ZYG11B: variants seen among roughly 807,000 people sequenced by gnomAD.
ZYG11B encodes the protein zyg-11 family member B, cell cycle regulator, also known as protein zyg-11 homolog B.
A neutral mutation model predicts 82.4 loss-of-function variants in ZYG11B; 36 were observed. That is an observed-to-expected ratio of 0.44 (90% CI 0.33 to 0.58). ZYG11B has a LOEUF of 0.58. ZYG11B is among the 20% of genes least tolerant of loss of function. The pLI is 0.02. For missense variants in ZYG11B, 552 were observed against 895.6 expected (o/e 0.62, Z 4.90); for synonymous variants, 303 against 312.8 (o/e 0.97, Z 0.33).
intron 10 of ZYG11B, among the ~76,000 whole-genome samples, chr1:52,803,139 CATATATATATATAT>C (rs1321965313): frequency 0.011 from 500 of 43,980 alleles, 17 homozygotes; most frequent in East Asian, 0.071. Context: ...TATATACACA[CATATATATATATAT>C]ACACATATAT....
At chr1:52,751,608 G>T (rs988590270) in intron 1 of ZYG11B, among the ~76,000 whole-genome samples, 3 of 152,078 alleles carry the variant, frequency 2.0e-5, no homozygotes, top group African/African-American at 7.2e-5. Flanking sequence ...ACTCCAGCCT[G>T]AGTGACAGAG....
rs1200289599 is a variant in ZYG11B, at chr1:52,780,848, CAA to C, written c.1092+858_1092+859del. ...ATTGAATGCTTTGGGCAACATTTAT[CAA>C]AATGTGGTCCTTTGGGCCAGGACGC... On this transcript the variant is annotated intron_variant, in intron 4 of 13. Coordinates refer to ENST00000294353, the MANE Select transcript of ZYG11B (RefSeq NM_024646.3). Among the ~76,000 whole-genome samples, 8 of 152,254 alleles carry C rather than the reference CAA, an allele frequency of 5.3e-5. No homozygotes were observed. In the East Asian group the frequency reaches 1.5e-3, roughly 29 times the overall value.
intron 1 of ZYG11B, among the ~76,000 whole-genome samples, chr1:52,752,502 G>C (rs1252475449): frequency 6.6e-6 from 1 of 152,096 alleles, no homozygotes; most frequent in Non-Finnish European, 1.5e-5. Context: ...ACAACTTTGA[G>C]TCCCTCTCCC....
At chr1:52,789,916 T>C (rs1644942521) in intron 5 of ZYG11B, 87 bp from the exon 6 acceptor site, 1 of 236,762 alleles carries the variant, frequency 4.2e-6, no homozygotes, top group Non-Finnish European at 6.4e-6. Context: ...AGTCTTCTTC[T>C]TTTTTTTTTT....
chr1:52,731,597 G>A (rs1172674910), intron 1 of ZYG11B, among the ~76,000 whole-genome samples: 1 of 152,012 alleles, frequency 6.6e-6, no homozygotes, highest in Admixed American at 6.6e-5. Flanking sequence ...TGATGTTCTA[G>A]GCACTGTGAT....
At chr1:52,748,364 GTTTAC>G (rs151117688) in intron 1 of ZYG11B, among the ~76,000 whole-genome samples, 3,699 of 152,266 alleles carry the variant, frequency 0.024, 151 homozygotes, top group African/African-American at 0.084. Flanking sequence ...CTGAGCCTCA[GTTTAC>G]TTTTGTTCAA....
chr1:52,819,728 G>A lies in ZYG11B; in HGVS notation c.2045-1711G>A, dbSNP rs989300237. Reference sequence around the variant, plus strand: ...CTTGAACTGGGAGGTGGAGGTTACAGTGAGCCGAGATCGCACCACTGCACT... The same window carrying A: ...CTTGAACTGGGAGGTGGAGGTTACAATGAGCCGAGATCGCACCACTGCACT... On this transcript the variant is annotated intron_variant, in intron 13 of 13. Coordinates refer to ENST00000294353, the MANE Select transcript of ZYG11B (RefSeq NM_024646.3). Among the ~76,000 whole-genome samples, 125 of 150,418 alleles carry A rather than the reference G, an allele frequency of 8.3e-4. 1 individual carries two copies. The highest frequency in any genetic ancestry group is 2.9e-3 in the African/African-American group (120 of 40,978).
In ZYG11B at chr1:52,767,536, C is replaced by T. The variant is rs140680703; in HGVS notation, c.197-3484C>T. On this transcript the variant is annotated intron_variant, in intron 2 of 13. Coordinates refer to ENST00000294353, the MANE Select transcript of ZYG11B (RefSeq NM_024646.3). The stretch of plus-strand genomic sequence containing the variant: ...GCCAAGATGGTCTCGATCTCCTGAC[C>T]TTGTGATCCATCCGCCTCGGCCTCC... 7.9e-3 allele frequency among the ~76,000 whole-genome samples: 1,204 copies of T among 151,694 alleles called. 17 individuals carry two copies. The Middle Eastern group carries it at 0.13, about 16-fold the overall frequency.
At chr1:52,775,957 T>G (rs964705449) in intron 3 of ZYG11B, among the ~76,000 whole-genome samples, 2 of 151,856 alleles carry the variant, frequency 1.3e-5, no homozygotes, top group Non-Finnish European at 2.9e-5. Context: ...GGCTCACGCC[T>G]GTAATCCCAG....
chr1:52,783,808 A>G (rs1284922863), intron 4 of ZYG11B, among the ~76,000 whole-genome samples: 1 of 146,604 alleles, frequency 6.8e-6, no homozygotes, highest in Non-Finnish European at 1.5e-5. Context: ...ATATATATAC[A>G]CACACACGTA....
rs1205332344 is a variant in ZYG11B at position 52,771,089 on chromosome 1, G to A, written c.266G>A (p.Arg89His). 57 of 1,614,004 alleles carry A rather than the reference G, an allele frequency of 3.5e-5. No homozygotes were observed. Among genetic ancestry groups the A allele is most frequent in the Non-Finnish European group, 4.2e-5 (50 of 1,180,034 alleles). The change falls in exon 3 of 14, where the codon CGC becomes CAC. Residue 89 changes from arginine (R) to histidine (H), a missense_variant. By Grantham distance (29) the Arg-to-His change is conservative (BLOSUM62 0). Transcript: ENST00000294353. The surrounding 1 kb of genome is among the most constrained non-coding windows in gnomAD (Gnocchi z 5.4). ...ATGCGCTTAAAGCGAGCCTGCATTC[G>A]CAAAGCAAAGATCTCTGCTGTTGCT... The part of the protein sequence containing the change: ...NQMRLKRACI[R>H]KAKISAVAFR...
chr1:52,784,862 A>T lies in ZYG11B; in HGVS notation c.1093-15A>T. ...TTTATAAGGTGAATTAAGAGGACTA[A>T]TTTTTTTTTTCCAGCTTGTGGTTAC... is the stretch of plus-strand genomic sequence containing the variant. On this transcript the variant is annotated splice_polypyrimidine_tract_variant and intron_variant, in intron 4 of 13. Coordinates refer to ENST00000294353, the MANE Select transcript of ZYG11B (RefSeq NM_024646.3). 2.6e-6 allele frequency: 4 copies of T among 1,538,888 alleles called. No individual in the cohort carries two copies. The highest frequency in any genetic ancestry group is 2.7e-6 in the Non-Finnish European group (3 of 1,123,812).
At chr1:52,759,995 T>A (rs1421655803) in intron 2 of ZYG11B, among the ~76,000 whole-genome samples, 1 of 152,130 alleles carries the variant, frequency 6.6e-6, no homozygotes, top group Non-Finnish European at 1.5e-5. Context: ...CACACTTGGA[T>A]AATTTTTGTA....
At chr1:52,808,141 T>A (rs1011099599) in intron 10 of ZYG11B, among the ~76,000 whole-genome samples, 1 of 152,150 alleles carries the variant, frequency 6.6e-6, no homozygotes, top group Admixed American at 6.5e-5. Context: ...GGCGGGTGGA[T>A]CACCTAAGGT....
intron 3 of ZYG11B, among the ~76,000 whole-genome samples, chr1:52,779,144 T>C (rs1264470609): frequency 1.3e-5 from 2 of 152,104 alleles, no homozygotes; most frequent in Non-Finnish European, 2.9e-5. Flanking sequence ...GAGGACATTG[T>C]ATGAGTGGTC....
chr1:52,728,419 G>A lies in ZYG11B; in HGVS notation c.30+1736G>A, dbSNP rs78851589. 1.6e-4 allele frequency among the ~76,000 whole-genome samples: 24 copies of A among 152,246 alleles called. 1 individual carries two copies. The East Asian group carries it at 3.5e-3, about 22-fold the overall frequency. ...CCACAGGCACGGACTACCGTGCCCC[G>A]CTAATTTGTAAAACTTTTTGTAGAA... On this transcript the variant is annotated intron_variant, in intron 1 of 13. Coordinates refer to ENST00000294353, the MANE Select transcript of ZYG11B (RefSeq NM_024646.3).
chr1:52,753,058 G>A (rs1458568717), intron 1 of ZYG11B, among the ~76,000 whole-genome samples: 1 of 152,074 alleles, frequency 6.6e-6, no homozygotes, highest in Non-Finnish European at 1.5e-5. Context: ...AAGTTGGTTA[G>A]GCTGGTCTTG....
intron 2 of ZYG11B, 29 bp downstream of exon 2, chr1:52,756,652 T>C: frequency 6.3e-7 from 1 of 1,585,622 alleles, no homozygotes; most frequent in Non-Finnish European, 8.6e-7. Flanking sequence ...GAAACAAAAA[T>C]TATGTGCTGT....
At chr1:52,741,805 G>A (rs1399935011) in intron 1 of ZYG11B, among the ~76,000 whole-genome samples, 3 of 152,136 alleles carry the variant, frequency 2.0e-5, no homozygotes. Flanking sequence ...CATAGGCACT[G>A]CTCTTGTCTT....
Sources: allele counts gnomAD v4.1 joint callset (sites outside exome capture counted in the v4.1 genomes callset), GRCh38; gene constraint gnomAD v4.1.1; non-coding constraint Gnocchi (gnomAD v3.1); transcripts MANE v1.5; gene names NCBI Gene and HGNC (gene_info 2026-07-23, HGNC 2026-07-21).